VPS45: variants seen among roughly 807,000 people sequenced by gnomAD.
The protein encoded by VPS45 is vacuolar protein sorting 45 homolog.
Under a neutral mutation model 75.9 loss-of-function variants are expected in VPS45, and 35 were observed. The observed-to-expected ratio is 0.46, with a 90% CI of 0.35 to 0.61. The LOEUF is 0.61. VPS45 is among the 20% of genes least tolerant of loss of function. The pLI, the probability that VPS45 is intolerant of heterozygous loss-of-function variation, is 0.00. For synonymous variants in VPS45, 220 were observed against 238.2 expected (o/e 0.92, Z 0.70); for missense variants, 559 against 685.9 (o/e 0.81, Z 2.07).
At chr1:150,137,998 TTCTAGGC>T (rs1246140594) in intron 14 of VPS45, among the ~76,000 whole-genome samples, 15 of 152,012 alleles carry the variant, frequency 9.9e-5, no homozygotes, top group Admixed American at 9.8e-4. Context: ...CCCTTACTCT[TTCTAGGC>T]TCCATCTCAT....
chr1:150,110,880 A>G (rs782708489), intron 14 of VPS45, among the ~76,000 whole-genome samples: 6 of 152,298 alleles, frequency 3.9e-5, no homozygotes, highest in African/African-American at 1.4e-4. Flanking sequence ...ACTGTTAACA[A>G]TTTGTATTTC....
intron 14 of VPS45, among the ~76,000 whole-genome samples, chr1:150,114,221 C>T (rs1657798326): frequency 6.6e-6 from 1 of 152,036 alleles, no homozygotes; most frequent in Non-Finnish European, 1.5e-5. Flanking sequence ...GCCTGTACTC[C>T]CAGCGCTTTG....
chr1:150,110,943 A>G (rs782741894), intron 14 of VPS45, among the ~76,000 whole-genome samples: 5 of 152,216 alleles, frequency 3.3e-5, no homozygotes, highest in Non-Finnish European at 7.3e-5. Context: ...GAAGGGGGAA[A>G]AATTAAAAAT....
intron 14 of VPS45, among the ~76,000 whole-genome samples, chr1:150,123,583 C>T (rs1553810093): frequency 2.0e-5 from 3 of 152,162 alleles, no homozygotes; most frequent in South Asian, 4.1e-4. Flanking sequence ...TGCAAATAAA[C>T]GAGCATCTTG....
intron 14 of VPS45, among the ~76,000 whole-genome samples, chr1:150,118,302 G>A (rs1553808848): frequency 4.0e-5 from 6 of 148,436 alleles, no homozygotes; most frequent in Admixed American, 3.4e-4. Context: ...AAAAAAAAAG[G>A]TACTATGAAT....
chr1:150,105,057 C>G (rs946849142), intron 13 of VPS45, among the ~76,000 whole-genome samples: 6 of 152,222 alleles, frequency 3.9e-5, no homozygotes, highest in Non-Finnish European at 7.3e-5. Flanking sequence ...TTCCAACCAA[C>G]AGTATATGAG....
At chr1:150,133,292 G>T (rs903573641) in intron 14 of VPS45, among the ~76,000 whole-genome samples, 2 of 152,156 alleles carry the variant, frequency 1.3e-5, no homozygotes, top group Admixed American at 1.3e-4. Flanking sequence ...GCTCACGCCT[G>T]TAATATCAGC....
chr1:150,140,256 T>A (rs587657580), intron 14 of VPS45, among the ~76,000 whole-genome samples: 1 of 152,192 alleles, frequency 6.6e-6, no homozygotes, highest in Non-Finnish European at 1.5e-5. Flanking sequence ...ACTCCTTTTT[T>A]AAACCTGCTT....
chr1:150,070,682 G>C (rs941635801), intron 2 of VPS45, among the ~76,000 whole-genome samples: 1 of 151,314 alleles, frequency 6.6e-6, no homozygotes, highest in Admixed American at 6.6e-5. Flanking sequence ...GGTGGCAGGC[G>C]CCTGTAGTCC....
intron 13 of VPS45, 45 bp downstream of exon 13, chr1:150,093,693 C>T (rs781837305): frequency 1.1e-5 from 18 of 1,582,870 alleles, no homozygotes; most frequent in South Asian, 9.3e-5. Flanking sequence ...AAATACTGAA[C>T]AAACAGAAAA....
intron 14 of VPS45, among the ~76,000 whole-genome samples, chr1:150,112,240 CT>C (rs1657687255): frequency 6.6e-6 from 1 of 151,666 alleles, no homozygotes; most frequent in South Asian, 2.1e-4. Context: ...TCTTTTTCCT[CT>C]ATATTTTTGT....
intron 4 of VPS45, 50 bp from the exon 5 acceptor site, chr1:150,076,866 T>A (rs1246521883): frequency 6.3e-7 from 1 of 1,599,844 alleles, no homozygotes; most frequent in Non-Finnish European, 8.6e-7. Context: ...TATTACTGCT[T>A]GATACAATTG....
chr1:150,117,037 C>T (rs1657972716), intron 14 of VPS45, among the ~76,000 whole-genome samples: 1 of 151,930 alleles, frequency 6.6e-6, no homozygotes, highest in African/African-American at 2.4e-5. Flanking sequence ...CCCATCTCTA[C>T]TAAAAATACA....
At chr1:150,143,081 C>T (rs1659482344) in intron 14 of VPS45, 2 of 228,604 alleles carry the variant, frequency 8.7e-6, no homozygotes, top group Admixed American at 1.0e-4. Flanking sequence ...GTAAGACTTC[C>T]CCCTACCTCC....
chr1:150,084,554 C>T (rs144294437), intron 10 of VPS45, among the ~76,000 whole-genome samples: 1 of 152,256 alleles, frequency 6.6e-6, no homozygotes, highest in East Asian at 1.9e-4. Context: ...TAATTTAGGA[C>T]TACGAGTCCT....
intron 10 of VPS45, among the ~76,000 whole-genome samples, chr1:150,091,345 A>G (rs1238229949): frequency 6.6e-6 from 1 of 152,216 alleles, no homozygotes; most frequent in Middle Eastern, 3.2e-3. Context: ...CCTGAATATG[A>G]GGATTAAAAA....
intron 1 of VPS45, 117 bp from the exon 2 acceptor site, chr1:150,068,513 C>T (rs587638855): frequency 1.1e-5 from 10 of 939,988 alleles, no homozygotes; most frequent in African/African-American, 8.5e-5. Context: ...AAATGTTTTC[C>T]GTATATTACT....
At chr1:150,125,652 A>G (rs1353754734) in intron 14 of VPS45, among the ~76,000 whole-genome samples, 34 of 92,354 alleles carry the variant, frequency 3.7e-4, no homozygotes, top group Admixed American at 1.0e-3. Context: ...GGGAGGGGGG[A>G]GGGATAGCAT....
chr1:150,111,887 A>G (rs1327772062), intron 14 of VPS45, among the ~76,000 whole-genome samples: 1 of 152,132 alleles, frequency 6.6e-6, no homozygotes, highest in South Asian at 2.1e-4. Flanking sequence ...AAGGGATCTC[A>G]TCGTACATTC....
Sources: allele counts gnomAD v4.1 joint callset (sites outside exome capture counted in the v4.1 genomes callset), GRCh38; gene constraint gnomAD v4.1.1; transcripts MANE v1.5; gene names NCBI Gene and HGNC (gene_info 2026-07-23, HGNC 2026-07-21).